Variants in ST3GAL2 observed in about 807,000 individuals in gnomAD.
ST3GAL2 encodes ST3 beta-galactoside alpha-2,3-sialyltransferase 2.
ST3GAL2 carries 16 observed loss-of-function variants against 37.5 expected under a neutral mutation model. The ratio of observed to expected loss-of-function variants is 0.43; its 90% CI spans 0.29 to 0.65. The LOEUF is 0.65. ST3GAL2 is among the 30% of genes least tolerant of loss of function. The pLI is 0.17. For synonymous variants in ST3GAL2, 238 were observed against 202.9 expected (o/e 1.17, Z -1.47); for missense variants, 383 against 487.8 (o/e 0.79, Z 2.02).
intron 1 of ST3GAL2, among the ~76,000 whole-genome samples, chr16:70,431,545 T>C (rs2047789881): frequency 6.6e-6 from 1 of 152,138 alleles, no homozygotes; most frequent in African/African-American, 2.4e-5. Flanking sequence ...ATACCAGAAC[T>C]ATGTGTGTTG....
chr16:70,433,562 G>A (rs2047805193), intron 1 of ST3GAL2, among the ~76,000 whole-genome samples: 1 of 152,134 alleles, frequency 6.6e-6, no homozygotes, highest in Non-Finnish European at 1.5e-5. Context: ...ACACGGCCCA[G>A]GCTGGGCCAA....
chr16:70,436,225 C>T (rs1392603421), intron 1 of ST3GAL2, among the ~76,000 whole-genome samples: 1 of 151,974 alleles, frequency 6.6e-6, no homozygotes, highest in Non-Finnish European at 1.5e-5. Flanking sequence ...GTCAGGAGTT[C>T]GAAACCAGTC....
chr16:70,434,101 T>C lies in ST3GAL2; in HGVS notation c.-1004+4848A>G, dbSNP rs936269030. ...CCTCCCAGGAACAGCAACTTGGACATTACTGTCTCCTCCACAACACTCAGC... is the reference window on the plus strand; with the variant it reads ...CCTCCCAGGAACAGCAACTTGGACACTACTGTCTCCTCCACAACACTCAGC... On this transcript the variant is annotated intron_variant, in intron 1 of 6. Coordinates refer to ENST00000342907, the MANE Select transcript of ST3GAL2 (RefSeq NM_006927.4). Among the ~76,000 whole-genome samples, 4 of 152,146 alleles carry C rather than the reference T, an allele frequency of 2.6e-5. No individual in the cohort carries two copies. In the South Asian group the frequency reaches 6.2e-4, roughly 24 times the overall value.
intron 3 of ST3GAL2, among the ~76,000 whole-genome samples, chr16:70,391,906 G>C (rs2047484876): frequency 6.6e-6 from 1 of 152,236 alleles, no homozygotes; most frequent in African/African-American, 2.4e-5. Context: ...ACTGCGCCCA[G>C]CCAAGGTGTA....
In ST3GAL2 at chr16:70,398,584, AG is replaced by A; in HGVS notation, c.-55del. 1.3e-6 allele frequency: 2 copies of A among 1,501,998 alleles called. No homozygotes were observed. Among genetic ancestry groups the A allele is most frequent in the Non-Finnish European group, 1.8e-6 (2 of 1,120,602 alleles). The allele number at this position is 1,501,998 out of a possible 1,614,324, so 93.0% of individuals were successfully genotyped here. ...TGGCCACTCTTTTCCCAGCCCGCTG[AG>A]GGGCCAGCCACGGCGTAGCCTGCCT... On this transcript the variant is annotated 5_prime_UTR_variant, in exon 2 of 7. An upstream open reading frame in the 5' UTR loses its in-frame stop. Coordinates refer to ENST00000342907, the MANE Select transcript of ST3GAL2 (RefSeq NM_006927.4).
rs1400290181 is a variant in ST3GAL2 at position 70,379,015 on chromosome 16, A to C, written c.*2674T>G. Reference sequence around the variant, plus strand: ...TCTGTCTCAATAAATAAATAAATTAAATAAATAAAAATGCGGGTTGCCTGT... The same window carrying C: ...TCTGTCTCAATAAATAAATAAATTACATAAATAAAAATGCGGGTTGCCTGT... On this transcript the variant is annotated 3_prime_UTR_variant, in exon 7 of 7. Coordinates refer to ENST00000342907, the MANE Select transcript of ST3GAL2 (RefSeq NM_006927.4). 6.6e-6 allele frequency: 1 copy of C among 152,130 alleles called. No individual in the cohort carries two copies. The highest frequency in any genetic ancestry group is 2.4e-5 in the African/African-American group (1 of 41,432). 9.4% of individuals were successfully genotyped at this position (152,130 alleles called of 1,614,324 possible). A position where few individuals can be genotyped will look rare whatever the true frequency, so the allele number is the denominator to read the frequency against.
In ST3GAL2 at chr16:70,398,423, G is replaced by C. The variant is rs1055043722; in HGVS notation, c.108C>G (p.Tyr36Ter). The change falls in exon 2 of 7, where the codon TAC becomes TAG. Residue 36 changes from tyrosine (Y) to a stop codon, truncating the protein, a stop_gained. Coordinates refer to ENST00000342907, the MANE Select transcript of ST3GAL2 (RefSeq NM_006927.4). LOFTEE classifies it high-confidence loss of function. Reference protein sequence around the residue: ...YSHHSMATLPYLDSGALDGTH... With the variant: ...YSHHSMATLP Reference sequence around the variant, plus strand: ...TCCCATCCAGGGCCCCTGAGTCCAGGTAGGGGAGCGTGGCCATGCTGTGGT... The same window carrying C: ...TCCCATCCAGGGCCCCTGAGTCCAGCTAGGGGAGCGTGGCCATGCTGTGGT... 6.2e-7 allele frequency: 1 copy of C among 1,613,760 alleles called. No homozygotes were observed. The highest frequency in any genetic ancestry group is 8.5e-7 in the Non-Finnish European group (1 of 1,180,018).
At chr16:70,402,740 C>G (rs977150118) in intron 1 of ST3GAL2, among the ~76,000 whole-genome samples, 14 of 152,212 alleles carry the variant, frequency 9.2e-5, no homozygotes, top group Non-Finnish European at 1.9e-4. Flanking sequence ...GCCTCCGCCT[C>G]CTGGGTTCAA....
Position 70,399,545 on chromosome 16 carries a change from G to A in ST3GAL2, c.-1003-12C>T, listed in dbSNP as rs2047541346. 5.0e-6 allele frequency: 2 copies of A among 397,692 alleles called. No individual in the cohort carries two copies. The highest frequency in any genetic ancestry group is 2.8e-4 in the South Asian group (2 of 7,132). The allele number at this position is 397,692 out of a possible 1,614,324, so 24.6% of individuals were successfully genotyped here. On this transcript the variant is annotated splice_polypyrimidine_tract_variant and intron_variant, in intron 1 of 6. Coordinates refer to ENST00000342907, the MANE Select transcript of ST3GAL2 (RefSeq NM_006927.4). ...GCCGCAGCACGACCCTAGAATGGCA[G>A]AGAGGAGAAATAATGTGCGGATGAA...
chr16:70,419,711 C>T (rs1401438554), intron 1 of ST3GAL2, among the ~76,000 whole-genome samples: 1 of 152,210 alleles, frequency 6.6e-6, no homozygotes, highest in South Asian at 2.1e-4. Context: ...TCGCTCGCCT[C>T]GCTAGTGCTG....
chr16:70,433,986 C>T (rs1567679292), intron 1 of ST3GAL2, among the ~76,000 whole-genome samples: 1 of 152,220 alleles, frequency 6.6e-6, no homozygotes, highest in South Asian at 2.1e-4. Flanking sequence ...ATCCCAAATG[C>T]CTTTTCTGAG....
intron 1 of ST3GAL2, among the ~76,000 whole-genome samples, chr16:70,421,471 C>A (rs2047714047): frequency 6.6e-6 from 1 of 152,222 alleles, no homozygotes; most frequent in African/African-American, 2.4e-5. Context: ...CCTGCCAAGA[C>A]AACATCCATC....
intron 1 of ST3GAL2, among the ~76,000 whole-genome samples, chr16:70,405,555 A>G (rs2047585430): frequency 6.6e-6 from 1 of 151,000 alleles, no homozygotes; most frequent in African/African-American, 2.4e-5. Flanking sequence ...AAAAAAAAAA[A>G]AAAAAAAAAA....
At chr16:70,401,295 G>T (rs575847542) in intron 1 of ST3GAL2, among the ~76,000 whole-genome samples, 2 of 152,330 alleles carry the variant, frequency 1.3e-5, no homozygotes, top group Non-Finnish European at 2.9e-5. Context: ...AACTCCTTGG[G>T]ATTCTAGATC....
intron 3 of ST3GAL2, among the ~76,000 whole-genome samples, chr16:70,391,730 G>A (rs948005848): frequency 1.1e-4 from 16 of 152,188 alleles, no homozygotes; most frequent in Non-Finnish European, 1.2e-4. Context: ...CAGGCTGGCC[G>A]GGGCCTGGGC....
At chr16:70,387,714 T>C (rs981874777) in intron 4 of ST3GAL2, among the ~76,000 whole-genome samples, 8 of 152,164 alleles carry the variant, frequency 5.3e-5, no homozygotes, top group African/African-American at 1.9e-4. Context: ...CTTGGTGAAC[T>C]AGATTTCCCA....
intron 1 of ST3GAL2, among the ~76,000 whole-genome samples, chr16:70,431,913 G>C (rs1003661638): frequency 1.3e-5 from 2 of 151,812 alleles, no homozygotes; most frequent in African/African-American, 4.8e-5. Context: ...GCAGTGAGCC[G>C]AGATGGCGCC....
Position 70,398,474 on chromosome 16 carries a change from G to A in ST3GAL2, c.57C>T (p.Ile19=), listed in dbSNP as rs1217761816. 5.0e-6 allele frequency: 8 copies of A among 1,613,302 alleles called. No homozygotes were observed. The Admixed American group carries it at 6.7e-5, about 13-fold the overall frequency. The change falls in exon 2 of 7, where the codon ATC becomes ATT. Residue 19 remains isoleucine, a synonymous_variant. Transcript: ENST00000342907. ...GCGAGTAGGTGAAGAGCAGGGACAT[G>A]ATGAACACCAGCAGGAAGGCCACGG... ...FLSVAFLLVF[I]MSLLFTYSHH...
At chr16:70,395,263 C>G in intron 2 of ST3GAL2, 88 bp from the exon 3 acceptor site, 1 of 1,267,286 alleles carries the variant, frequency 7.9e-7, no homozygotes, top group South Asian at 1.5e-5. Context: ...TCTGCCCTCA[C>G]TATCCTGTGT....
Sources: gnomAD v4.1 joint callset for allele counts (sites outside exome capture counted in the v4.1 genomes callset) on GRCh38, gnomAD v4.1.1 for gene constraint, MANE v1.5 for transcripts, NCBI Gene and HGNC (gene_info 2026-07-23, HGNC 2026-07-21) for gene names.